The following LRRIQ3 variants were observed in gnomAD, a reference collection of about 807,000 sequenced individuals.
The protein encoded by LRRIQ3 is leucine-rich repeat and IQ domain-containing protein 3.
Under a neutral mutation model 59.3 loss-of-function variants are expected in LRRIQ3, and 75 were observed. That is an observed-to-expected ratio of 1.26 (90% CI 1.05 to 1.53). The LOEUF (loss-of-function observed/expected upper bound fraction) is 1.53. Ranked by LOEUF, LRRIQ3 falls within the 40% of genes most tolerant of loss-of-function variation. The probability of loss-of-function intolerance (pLI) is 0.00; values close to 1 mark genes in which losing one functional copy is unlikely to be tolerated. For missense variants in LRRIQ3, 831 were observed against 710.0 expected, an observed-to-expected ratio of 1.17 and a Z score of -1.94; for synonymous variants, 250 against 231.3, an observed-to-expected ratio of 1.08 and a Z score of -0.73.
chr1:74,041,078 T>C, intron 7 of LRRIQ3, 135 bp downstream of exon 7: 1 of 713,658 alleles, frequency 1.4e-6, no homozygotes, highest in Non-Finnish European at 2.2e-6. Flanking sequence ...ATATTATTTG[T>C]TCTTTGTTTT....
chr1:74,094,904 T>G (rs1557611855), intron 5 of LRRIQ3: 1 of 152,094 alleles, frequency 6.6e-6, no homozygotes, highest in Non-Finnish European at 1.5e-5. Flanking sequence ...AAATTGTCCT[T>G]CAATAGTCAT....
At chr1:74,183,830 T>C (rs531499154) in intron 1 of LRRIQ3, 146 bp from the exon 2 acceptor site, 149 of 598,870 alleles carry the variant, frequency 2.5e-4, no homozygotes, top group African/African-American at 2.4e-3. Context: ...TAGAACTTTC[T>C]ATCCCAAAAT....
intron 4 of LRRIQ3, among the ~76,000 whole-genome samples, chr1:74,114,666 C>T (rs1469562412): frequency 2.7e-5 from 4 of 150,692 alleles, no homozygotes; most frequent in Admixed American, 6.6e-5. Context: ...AACCAGGAGG[C>T]GGAGCTTTCA....
At chr1:74,181,952 C>T (rs76449113) in intron 3 of LRRIQ3, 1 of 151,562 alleles carries the variant, frequency 6.6e-6, no homozygotes, top group African/African-American at 2.4e-5. Flanking sequence ...TATCTTGTAC[C>T]TAATTTAACC....
chr1:74,166,624 C>T (rs879075702), intron 3 of LRRIQ3, among the ~76,000 whole-genome samples: 1 of 151,734 alleles, frequency 6.6e-6, no homozygotes, highest in Non-Finnish European at 1.5e-5. Flanking sequence ...GAGTGGGAAG[C>T]ATAGATCATT....
chr1:74,163,908 ACT>A (rs936972417), intron 3 of LRRIQ3, among the ~76,000 whole-genome samples: 2 of 146,580 alleles, frequency 1.4e-5, no homozygotes, highest in Admixed American at 6.8e-5. Flanking sequence ...ATTTATTGTC[ACT>A]CTTTTTTTTT....
intron 4 of LRRIQ3, among the ~76,000 whole-genome samples, chr1:74,148,619 T>A (rs952983569): frequency 1.3e-5 from 2 of 152,206 alleles, no homozygotes; most frequent in Non-Finnish European, 2.9e-5. Flanking sequence ...TTGAGGAACC[T>A]TCACTTGTTC....
chr1:74,130,545 T>C (rs1280735769), intron 4 of LRRIQ3, among the ~76,000 whole-genome samples: 1 of 152,084 alleles, frequency 6.6e-6, no homozygotes, highest in Non-Finnish European at 1.5e-5. Flanking sequence ...GGCTCCTTCA[T>C]TGATATGAAG....
intron 3 of LRRIQ3, among the ~76,000 whole-genome samples, chr1:74,170,083 C>T (rs1394485790): frequency 1.3e-5 from 2 of 152,070 alleles, no homozygotes; most frequent in African/African-American, 4.8e-5. Flanking sequence ...ATTTACCCCT[C>T]ATTAAATAAA....
chr1:74,059,650 TTTA>T (rs1412120508), intron 6 of LRRIQ3, among the ~76,000 whole-genome samples: 2 of 152,100 alleles, frequency 1.3e-5, no homozygotes, highest in Non-Finnish European at 2.9e-5. Flanking sequence ...CAAATTTGTT[TTTA>T]TTTTTAAAGA....
At chr1:74,155,329 GC>G (rs1648253751) in intron 4 of LRRIQ3, among the ~76,000 whole-genome samples, 1 of 152,176 alleles carries the variant, frequency 6.6e-6, no homozygotes, top group Non-Finnish European at 1.5e-5. Flanking sequence ...GCAAAGGAAT[GC>G]AAGGAACAAG....
At chr1:74,132,279 G>C (rs544640113) in intron 4 of LRRIQ3, among the ~76,000 whole-genome samples, 2 of 152,136 alleles carry the variant, frequency 1.3e-5, no homozygotes, top group African/African-American at 4.8e-5. Flanking sequence ...AATCAATATT[G>C]TGAAAATGGC....
chr1:74,107,558 G>T (rs978046694), intron 5 of LRRIQ3, among the ~76,000 whole-genome samples: 7 of 149,036 alleles, frequency 4.7e-5, no homozygotes, highest in African/African-American at 7.3e-5. Context: ...AATACATAAT[G>T]AATAAAAGAA....
Position 74,182,606 on chromosome 1 carries a change from G to T in LRRIQ3, c.505C>A (p.His169Asn), listed in dbSNP as rs759744331. The change falls in exon 3 of 8, where the codon CAT (histidine) becomes AAT (asparagine). Residue 169 changes from histidine to asparagine, a missense_variant. Coordinates refer to ENST00000354431, the MANE Select transcript of LRRIQ3 (RefSeq NM_001105659.2). ...ISDEEIIQNW[H>N]LPERFKACNH... ...CATGCTTTGAATCTTTCAGGAAGAT[G>T]CCAGTTCTGAATTATTTCTTCATCA... is the stretch of plus-strand genomic sequence containing the variant. 1.9e-6 allele frequency: 3 copies of T among 1,607,604 alleles called. No homozygotes were observed. Among genetic ancestry groups the T allele is most frequent in the Middle Eastern group, 1.7e-4 (1 of 6,034 alleles).
intron 5 of LRRIQ3, among the ~76,000 whole-genome samples, chr1:74,102,031 A>C (rs1347527720): frequency 1.3e-5 from 2 of 151,914 alleles, no homozygotes; most frequent in Non-Finnish European, 2.9e-5. Flanking sequence ...CACGTTGTGC[A>C]CATGTACCCT....
intron 5 of LRRIQ3, among the ~76,000 whole-genome samples, chr1:74,086,369 C>A (rs935860292): frequency 6.6e-6 from 1 of 152,032 alleles, no homozygotes; most frequent in African/African-American, 2.4e-5. Context: ...TAATCTTAAC[C>A]TGGTCCAATT....
intron 6 of LRRIQ3, among the ~76,000 whole-genome samples, chr1:74,042,623 T>C (rs1654081784): frequency 6.6e-6 from 1 of 152,130 alleles, no homozygotes; most frequent in Non-Finnish European, 1.5e-5. Context: ...AGGCCACATT[T>C]AACAAGTTAT....
rs66546682 is a variant in LRRIQ3 at position 74,141,982 on chromosome 1, T to TACAC, written c.707+13747_707+13750dup. On this transcript the variant is annotated intron_variant, in intron 4 of 7. Coordinates refer to ENST00000354431, the MANE Select transcript of LRRIQ3 (RefSeq NM_001105659.2). ...ATTATTCTGAATAATATTCCATTTA[T>TACAC]ACACACACACACACACACACACACA... Among the ~76,000 whole-genome samples the TACAC allele has an allele frequency of 6.6e-3, 996 of 150,494 alleles. 3 individuals are homozygous for TACAC. Among genetic ancestry groups the TACAC allele is most frequent in the Non-Finnish European group, 9.5e-3 (638 of 67,416 alleles).
In LRRIQ3 at chr1:74,026,938, C is replaced by A. The variant is rs778555596; in HGVS notation, c.1750G>T (p.Glu584Ter). 6.3e-7 allele frequency: 1 copy of A among 1,581,890 alleles called. No individual in the cohort carries two copies. The highest frequency in any genetic ancestry group is 8.6e-7 in the Non-Finnish European group (1 of 1,158,300). ...GCAATCATATCCATAACAAATTTTT[C>A]TTCACAATGTCTTTTATATATTTCT... ...SQEIYKRHCEEKFVMDMIAFE... is the reference protein window; with the variant it reads ...SQEIYKRHCE The change falls in exon 8 of 8, where the codon GAA (glutamate) becomes TAA (stop). Residue 584 changes from glutamate to a stop codon, truncating the protein, a stop_gained. Coordinates refer to ENST00000354431, the MANE Select transcript of LRRIQ3 (RefSeq NM_001105659.2). LOFTEE classifies it low-confidence loss of function (END_TRUNC).
Sources: gnomAD v4.1 joint callset for allele counts (sites outside exome capture counted in the v4.1 genomes callset) on GRCh38, gnomAD v4.1.1 for gene constraint, MANE v1.5 for transcripts, NCBI Gene and HGNC (gene_info 2026-07-23, HGNC 2026-07-21) for gene names.